Variants in KCND3 observed in about 807,000 individuals in gnomAD.
KCND3 encodes the protein potassium voltage-gated channel subfamily D member 3.
Under a neutral mutation model 51.1 loss-of-function variants are expected in KCND3, and 9 were observed. The observed-to-expected ratio is 0.18, with a 90% CI of 0.11 to 0.31. The LOEUF is 0.31. Ranked by LOEUF, KCND3 falls within the 10% of genes least tolerant of loss-of-function variation. The probability of loss-of-function intolerance (pLI) is 1.00; values close to 1 mark genes in which losing one functional copy is unlikely to be tolerated. For synonymous variants in KCND3, 349 were observed against 368.0 expected, an observed-to-expected ratio of 0.95 and a Z score of 0.59; for missense variants, 526 against 903.8, an observed-to-expected ratio of 0.58 and a Z score of 5.36.
At chr1:111,848,659 C>G (rs1222328450) in intron 2 of KCND3, among the ~76,000 whole-genome samples, 1 of 152,228 alleles carries the variant, frequency 6.6e-6, no homozygotes, top group East Asian at 1.9e-4. Flanking sequence ...GTGCGTGGCC[C>G]CTGGGGCTGG....
intron 1 of KCND3, among the ~76,000 whole-genome samples, chr1:111,985,044 C>G (rs973366103): frequency 6.6e-6 from 1 of 152,208 alleles, no homozygotes; most frequent in African/African-American, 2.4e-5. Flanking sequence ...ATTACACTGT[C>G]TCCCATGGAT....
Position 111,982,541 on chromosome 1 carries a change from C to G in KCND3, c.186G>C (p.Pro62=), listed in dbSNP as rs1411627342. The change falls in exon 2 of 8, where the codon CCG becomes CCC. Residue 62 remains proline, a synonymous_variant. Coordinates refer to ENST00000302127, the MANE Select transcript of KCND3 (RefSeq NM_001378969.1). This position sits in a 1 kb window ranked among gnomAD's most constrained non-coding sequence, Gnocchi z 8.5. ...TCTCCGTGCTGCCCAGCAGGGTGTC[C>G]GGGTAGCGCTCCAGCGTGGTCCTCC... ...QTWRTTLERY[P]DTLLGSTEKE... is the part of the protein sequence containing the mutation. The G allele has an allele frequency of 1.2e-6, 2 of 1,607,790 alleles. No individual in the cohort carries two copies. The highest frequency in any genetic ancestry group is 1.3e-5 in the African/African-American group (1 of 74,936).
chr1:111,859,748 A>G (rs1486683475), intron 2 of KCND3, among the ~76,000 whole-genome samples: 2 of 152,180 alleles, frequency 1.3e-5, no homozygotes, highest in Non-Finnish European at 1.5e-5. Context: ...GCTGAGCCCT[A>G]TTAAAACAAC....
At chr1:111,789,426 G>A (rs1340337751) in intron 2 of KCND3, among the ~76,000 whole-genome samples, 1 of 152,230 alleles carries the variant, frequency 6.6e-6, no homozygotes, top group Non-Finnish European at 1.5e-5. Flanking sequence ...CAAGTGTCCA[G>A]CTGAATTCAG....
chr1:111,817,121 T>C (rs1189042652), intron 2 of KCND3, among the ~76,000 whole-genome samples: 1 of 152,046 alleles, frequency 6.6e-6, no homozygotes, highest in Non-Finnish European at 1.5e-5. Context: ...GCAGTCTCGA[T>C]GTTTTTTCCC....
At chr1:111,855,995 C>T (rs536355067) in intron 2 of KCND3, among the ~76,000 whole-genome samples, 7 of 152,284 alleles carry the variant, frequency 4.6e-5, no homozygotes, top group African/African-American at 1.7e-4. Context: ...CAAGGGAGTA[C>T]CCCAACCTCA....
In KCND3 at chr1:111,780,275, G is replaced by A. The variant is rs1064796735; in HGVS notation, c.1411C>T (p.Leu471Phe). The part of the protein sequence containing the change: ...EEEHMGKTTS[L>F]IESQHHHLLH... ...AGGTGATGATGCTGGCTCTCGATGA[G>A]TGAGGTGGTCTTGCCCATGTGCTCC... is the stretch of plus-strand genomic sequence containing the variant. Residue 471 changes from leucine (L) to phenylalanine (F), a missense_variant, in exon 5 of 8, where the codon CTC becomes TTC. By Grantham distance (22) the Leu-to-Phe change is conservative. Coordinates refer to ENST00000302127, the MANE Select transcript of KCND3 (RefSeq NM_001378969.1). This position sits in a 1 kb window ranked among gnomAD's most constrained non-coding sequence, Gnocchi z 4.2. The A allele has an allele frequency of 1.3e-6, 2 of 1,586,644 alleles. No homozygotes were observed. Among genetic ancestry groups the A allele is most frequent in the South Asian group, 1.2e-5 (1 of 86,572 alleles).
intron 2 of KCND3, among the ~76,000 whole-genome samples, chr1:111,923,678 G>A (rs1035801119): frequency 1.3e-5 from 2 of 152,208 alleles, no homozygotes; most frequent in East Asian, 3.8e-4. Flanking sequence ...GCCAGCTAAG[G>A]AAGCTGCACA....
At chr1:111,867,900 G>A (rs639154) in intron 2 of KCND3, among the ~76,000 whole-genome samples, 114,523 of 152,100 alleles carry the variant, frequency 0.75, 44,388 homozygotes, top group Middle Eastern at 0.87. Context: ...TCCAATTCTG[G>A]TCTTACATAC....
At chr1:111,972,212 G>A (rs1045709931) in intron 2 of KCND3, among the ~76,000 whole-genome samples, 3 of 109,252 alleles carry the variant, frequency 2.7e-5, no homozygotes, top group Non-Finnish European at 5.1e-5. Flanking sequence ...TCGCTCTGTT[G>A]CCCAGGCTGG....
chr1:111,959,401 C>T (rs1673513596), intron 2 of KCND3, among the ~76,000 whole-genome samples: 1 of 152,198 alleles, frequency 6.6e-6, no homozygotes, highest in African/African-American at 2.4e-5. Flanking sequence ...AAACAGTCCT[C>T]CCTTCCCACC....
chr1:111,892,745 T>G (rs144133068), intron 2 of KCND3, among the ~76,000 whole-genome samples: 1 of 152,350 alleles, frequency 6.6e-6, no homozygotes. Flanking sequence ...TGACAGTTAA[T>G]TGATTGATTA....
At chr1:111,804,832 G>A (rs1439129761) in intron 2 of KCND3, among the ~76,000 whole-genome samples, 1 of 152,238 alleles carries the variant, frequency 6.6e-6, no homozygotes, top group Non-Finnish European at 1.5e-5. Flanking sequence ...TTAATTAACA[G>A]TACAGCTGAA....
At chr1:111,976,726 T>G (rs1469262038) in intron 2 of KCND3, among the ~76,000 whole-genome samples, 1 of 151,958 alleles carries the variant, frequency 6.6e-6, no homozygotes, top group Non-Finnish European at 1.5e-5. Context: ...TGGGGCTGAG[T>G]TTGAAGGATG....
intron 2 of KCND3, among the ~76,000 whole-genome samples, chr1:111,941,750 C>T (rs923512067): frequency 3.3e-5 from 5 of 152,194 alleles, no homozygotes; most frequent in East Asian, 1.9e-4. Context: ...ACTGTCTCCC[C>T]GCTTGCAACT....
intron 2 of KCND3, among the ~76,000 whole-genome samples, chr1:111,942,817 G>A (rs776583522): frequency 6.6e-5 from 10 of 152,218 alleles, no homozygotes; most frequent in Non-Finnish European, 8.8e-5. Flanking sequence ...TTTTCCAGAG[G>A]AGGAAATGAG....
intron 2 of KCND3, among the ~76,000 whole-genome samples, chr1:111,941,670 C>T (rs1672526785): frequency 6.6e-6 from 1 of 152,154 alleles, no homozygotes; most frequent in Non-Finnish European, 1.5e-5. Context: ...GCTGCTCCTA[C>T]AGTCCCAAGC....
intron 2 of KCND3, among the ~76,000 whole-genome samples, chr1:111,968,306 T>G (rs1454023130): frequency 6.6e-6 from 1 of 151,502 alleles, no homozygotes; most frequent in Non-Finnish European, 1.5e-5. Flanking sequence ...TACAAAAATC[T>G]CAGGAACTCA....
chr1:111,919,501 C>T (rs560781512), intron 2 of KCND3, among the ~76,000 whole-genome samples: 2 of 151,972 alleles, frequency 1.3e-5, no homozygotes, highest in East Asian at 3.9e-4. Context: ...GTAAAGAAGG[C>T]CAGAGGAGAT....
Sources: gnomAD v4.1 joint callset for allele counts (sites outside exome capture counted in the v4.1 genomes callset) on GRCh38, gnomAD v4.1.1 for gene constraint, Gnocchi (gnomAD v3.1) non-coding constraint, MANE v1.5 for transcripts, NCBI Gene and HGNC (gene_info 2026-07-23, HGNC 2026-07-21) for gene names.